Variants in GRIA1 observed in about 807,000 individuals in gnomAD.
GRIA1 encodes the protein glutamate receptor 1.
Under a neutral mutation model 99.2 loss-of-function variants are expected in GRIA1, and 31 were observed. The observed-to-expected ratio is 0.31, with a 90% CI of 0.23 to 0.42. GRIA1 has a LOEUF of 0.42. GRIA1 is among the 10% of genes least tolerant of loss of function. The probability of loss-of-function intolerance (pLI) is 1.00; values close to 1 mark genes in which losing one functional copy is unlikely to be tolerated. For synonymous variants in GRIA1, 438 were observed against 432.4 expected (o/e 1.01, Z -0.16); for missense variants, 782 against 1,157.5 (o/e 0.68, Z 4.71).
rs541396885 is a variant in GRIA1, at chr5:153,618,402, C to A, written c.221-28526C>A. Among the ~76,000 whole-genome samples, 4 of 152,222 alleles carry A rather than the reference C, an allele frequency of 2.6e-5. No homozygotes were observed. The East Asian group carries it at 7.7e-4, about 29-fold the overall frequency. ...CCTGCAGGCAAATGCATGTTGACTG[C>A]AAAGCTATATAAATGTGTGTTGAGT... On this transcript the variant is annotated intron_variant, in intron 2 of 15. Transcript: ENST00000285900.
At chr5:153,679,508 G>A (rs1414996583) in intron 7 of GRIA1, among the ~76,000 whole-genome samples, 2 of 152,228 alleles carry the variant, frequency 1.3e-5, no homozygotes, top group East Asian at 1.9e-4. Context: ...AGTGGCGGAG[G>A]CTGGACCAGA....
rs549518195 is a variant in GRIA1, at chr5:153,579,437, C to T, written c.221-67491C>T. 7.2e-5 allele frequency among the ~76,000 whole-genome samples: 11 copies of T among 152,258 alleles called. No homozygotes were observed. In the South Asian group the frequency reaches 2.1e-3, roughly 29 times the overall value. ...TAATATGATGAGTGAGGCTGAGAGT[C>T]AAGTCAGCAAGTCTTTGGTTAGAAC... On this transcript the variant is annotated intron_variant, in intron 2 of 15. Transcript: ENST00000285900.
intron 2 of GRIA1, among the ~76,000 whole-genome samples, chr5:153,598,532 T>C (rs1350163541): frequency 3.9e-5 from 6 of 152,158 alleles, no homozygotes; most frequent in African/African-American, 1.4e-4. Flanking sequence ...AAGCCTTGAA[T>C]GCCAAGCAGC....
At chr5:153,680,477 T>C (rs1381917228) in intron 7 of GRIA1, among the ~76,000 whole-genome samples, 5 of 152,070 alleles carry the variant, frequency 3.3e-5, no homozygotes, top group Non-Finnish European at 5.9e-5. Flanking sequence ...TTAAAAGAAA[T>C]CTGTAGATTC....
chr5:153,546,742 T>A (rs1049319928), intron 2 of GRIA1, among the ~76,000 whole-genome samples: 1 of 152,194 alleles, frequency 6.6e-6, no homozygotes, highest in Non-Finnish European at 1.5e-5. Flanking sequence ...CATTGTCCTA[T>A]TGCACAACTG....
chr5:153,775,816 T>C (rs1764201734), intron 13 of GRIA1, among the ~76,000 whole-genome samples: 1 of 148,776 alleles, frequency 6.7e-6, no homozygotes, highest in Non-Finnish European at 1.5e-5. Flanking sequence ...GGTGGAAGAA[T>C]TGTGGAAGAA....
chr5:153,803,306 A>G (rs752597209), intron 15 of GRIA1, among the ~76,000 whole-genome samples: 19 of 152,262 alleles, frequency 1.2e-4, no homozygotes, highest in South Asian at 6.2e-4. Flanking sequence ...GGATTCAAGC[A>G]TCAAAAGGCA....
chr5:153,650,552 G>A (rs1484035294), intron 4 of GRIA1, 38 bp downstream of exon 4: 2 of 1,591,500 alleles, frequency 1.3e-6, no homozygotes, highest in African/African-American at 2.7e-5. Context: ...GGGTGCGGGA[G>A]GTGATTCAGG....
At chr5:153,541,202 C>A (rs1278892233) in intron 2 of GRIA1, among the ~76,000 whole-genome samples, 2 of 152,218 alleles carry the variant, frequency 1.3e-5, no homozygotes, top group Non-Finnish European at 2.9e-5. Flanking sequence ...TTACCTCCTT[C>A]ACAGAGCTTG....
chr5:153,772,684 T>C lies in GRIA1; in HGVS notation c.2270+2269T>C, dbSNP rs191226786. Among the ~76,000 whole-genome samples the C allele has an allele frequency of 1.6e-4, 24 of 152,270 alleles. 1 individual carries two copies. The highest frequency in any genetic ancestry group is 4.2e-4 in the South Asian group (2 of 4,814). On this transcript the variant is annotated intron_variant, in intron 13 of 15. Coordinates refer to ENST00000285900, the MANE Select transcript of GRIA1 (RefSeq NM_000827.4). Reference sequence around the variant, plus strand: ...TGCCTGGTTGAATCTAAAAGACTCTTTACAAGTTTGAGCAAAGTTCAAAGG... The same window carrying C: ...TGCCTGGTTGAATCTAAAAGACTCTCTACAAGTTTGAGCAAAGTTCAAAGG...
intron 2 of GRIA1, among the ~76,000 whole-genome samples, chr5:153,521,934 T>C (rs1248710172): frequency 6.6e-6 from 1 of 152,246 alleles, no homozygotes; most frequent in Middle Eastern, 3.2e-3. Context: ...TTTTACAGTT[T>C]GCTTTTAATA....
chr5:153,631,554 T>C (rs1341583951), intron 2 of GRIA1, among the ~76,000 whole-genome samples: 1 of 152,202 alleles, frequency 6.6e-6, no homozygotes, highest in African/African-American at 2.4e-5. Flanking sequence ...ACTAAAATCA[T>C]TGTAATATTA....
chr5:153,778,641 T>C (rs2964024), intron 13 of GRIA1, among the ~76,000 whole-genome samples: 92,875 of 150,056 alleles, frequency 0.62, 29,454 homozygotes, highest in East Asian at 0.94. Context: ...TATTTAATCA[T>C]CACCCCCCAC....
At chr5:153,769,229 C>A (rs1425642058) in intron 12 of GRIA1, among the ~76,000 whole-genome samples, 1 of 152,164 alleles carries the variant, frequency 6.6e-6, no homozygotes, top group Non-Finnish European at 1.5e-5. Context: ...CCATACAGAT[C>A]AGAATCATCT....
At chr5:153,668,784 C>G (rs898775653) in intron 5 of GRIA1, among the ~76,000 whole-genome samples, 3 of 152,192 alleles carry the variant, frequency 2.0e-5, no homozygotes, top group Non-Finnish European at 4.4e-5. Context: ...CGCAGTCCCA[C>G]AAATATTCGT....
intron 2 of GRIA1, among the ~76,000 whole-genome samples, chr5:153,544,375 A>G (rs1759419965): frequency 6.6e-6 from 1 of 152,212 alleles, no homozygotes; most frequent in South Asian, 2.1e-4. Context: ...ATCCATGAGC[A>G]TGATGACACT....
At chr5:153,584,833 T>C (rs1226941348) in intron 2 of GRIA1, among the ~76,000 whole-genome samples, 3 of 152,156 alleles carry the variant, frequency 2.0e-5, no homozygotes, top group Non-Finnish European at 4.4e-5. Context: ...CTCTACCAGA[T>C]TGGGTTAAAC....
chr5:153,511,574 G>A (rs776927637), intron 2 of GRIA1, among the ~76,000 whole-genome samples: 7 of 152,110 alleles, frequency 4.6e-5, no homozygotes, highest in Non-Finnish European at 7.4e-5. Flanking sequence ...ACAATCTGGG[G>A]ACCCTGAGTT....
At chr5:153,603,528 A>G (rs1581310752) in intron 2 of GRIA1, among the ~76,000 whole-genome samples, 2 of 140,592 alleles carry the variant, frequency 1.4e-5, no homozygotes, top group South Asian at 2.6e-4. Context: ...GTATAATAAT[A>G]ATTAAAAAAA....
Sources: gnomAD v4.1 joint callset for allele counts (sites outside exome capture counted in the v4.1 genomes callset) on GRCh38, gnomAD v4.1.1 for gene constraint, MANE v1.5 for transcripts, NCBI Gene and HGNC (gene_info 2026-07-23, HGNC 2026-07-21) for gene names.